ERC2: variants seen among roughly 807,000 people sequenced by gnomAD.
The protein encoded by ERC2 is ELKS/RAB6-interacting/CAST family member 2, also known as ERC protein 2.
A neutral mutation model predicts 114.8 loss-of-function variants in ERC2; 42 were observed. That is an observed-to-expected ratio of 0.37 (90% CI 0.29 to 0.47). ERC2 has a LOEUF of 0.47. Among genes scored for constraint, ERC2 ranks in the 20% least tolerant of loss-of-function variants. ERC2 has a pLI of 0.99. For synonymous variants in ERC2, 454 were observed against 425.5 expected (o/e 1.07, Z -0.82); for missense variants, 939 against 1,150.7 (o/e 0.82, Z 2.66).
intron 17 of ERC2, among the ~76,000 whole-genome samples, chr3:55,629,482 T>C (rs2059657637): frequency 6.6e-6 from 1 of 152,246 alleles, no homozygotes; most frequent in Non-Finnish European, 1.5e-5. Flanking sequence ...ATTACAGTAA[T>C]TCAAGGTTTC....
rs576623244 is a variant in ERC2 at position 56,311,001 on chromosome 3, G to T, written c.658-14566C>A. 2.5e-4 allele frequency among the ~76,000 whole-genome samples: 38 copies of T among 151,896 alleles called. No individual in the cohort carries two copies. The South Asian group carries it at 7.5e-3, about 30-fold the overall frequency. ...ATAGTCCTGAGAAACAGACTGAAAA[G>T]CCAGTGTGTGTGATTAATAAAGTCT... is the stretch of plus-strand genomic sequence containing the variant. On this transcript the variant is annotated intron_variant, in intron 2 of 17. Transcript: ENST00000288221.
intron 17 of ERC2, among the ~76,000 whole-genome samples, chr3:55,652,079 T>G (rs1162252080): frequency 6.6e-6 from 1 of 152,196 alleles, no homozygotes; most frequent in Non-Finnish European, 1.5e-5. Flanking sequence ...CCTGCGAACA[T>G]TTCTGGGCTC....
At chr3:56,162,676 A>C (rs961980478) in intron 4 of ERC2, among the ~76,000 whole-genome samples, 7 of 152,180 alleles carry the variant, frequency 4.6e-5, no homozygotes, top group Admixed American at 3.3e-4. Flanking sequence ...TTAAGTGTTC[A>C]TAATAGTCTC....
intron 1 of ERC2, among the ~76,000 whole-genome samples, chr3:56,454,721 T>C (rs1201329407): frequency 1.3e-5 from 2 of 151,994 alleles, no homozygotes; most frequent in African/African-American, 2.4e-5. Flanking sequence ...CATGTTGGCA[T>C]GCACCTGTAG....
chr3:56,301,604 C>CT (rs2055879515), intron 2 of ERC2, among the ~76,000 whole-genome samples: 1 of 152,064 alleles, frequency 6.6e-6, no homozygotes, highest in Non-Finnish European at 1.5e-5. Flanking sequence ...GGCACAGTGG[C>CT]ATATGCCTAT....
At chr3:56,313,999 G>T (rs979050867) in intron 2 of ERC2, among the ~76,000 whole-genome samples, 5 of 152,164 alleles carry the variant, frequency 3.3e-5, no homozygotes, top group African/African-American at 1.2e-4. Flanking sequence ...TAAAGATGTA[G>T]CCATGCCAGT....
At chr3:56,292,164 A>T (rs770573840) in intron 3 of ERC2, among the ~76,000 whole-genome samples, 2 of 152,040 alleles carry the variant, frequency 1.3e-5, no homozygotes, top group Non-Finnish European at 2.9e-5. Flanking sequence ...TGAGACTGTA[A>T]CTCTGTGGAA....
At chr3:55,586,837 A>C (rs955517698) in intron 17 of ERC2, among the ~76,000 whole-genome samples, 8 of 152,236 alleles carry the variant, frequency 5.3e-5, no homozygotes, top group Non-Finnish European at 1.2e-4. Context: ...TAAAACACTT[A>C]TGTAGCCACC....
At chr3:55,831,003 G>A (rs1462091807) in intron 14 of ERC2, among the ~76,000 whole-genome samples, 2 of 151,552 alleles carry the variant, frequency 1.3e-5, no homozygotes, top group Non-Finnish European at 2.9e-5. Context: ...AATTAAAATA[G>A]AATATTAAAA....
intron 2 of ERC2, among the ~76,000 whole-genome samples, chr3:56,424,701 G>T (rs2061502069): frequency 6.6e-6 from 1 of 152,164 alleles, no homozygotes; most frequent in South Asian, 2.1e-4. Flanking sequence ...CATCATCTAA[G>T]TCTGGACCAA....
intron 17 of ERC2, among the ~76,000 whole-genome samples, chr3:55,676,848 G>A (rs974857080): frequency 6.6e-6 from 1 of 152,156 alleles, no homozygotes; most frequent in African/African-American, 2.4e-5. Flanking sequence ...ACAACACTCT[G>A]CTAGACGCCT....
intron 2 of ERC2, among the ~76,000 whole-genome samples, chr3:56,428,819 C>G (rs988720792): frequency 6.6e-6 from 1 of 152,204 alleles, no homozygotes; most frequent in African/African-American, 2.4e-5. Flanking sequence ...ATTCCCCAGA[C>G]AGGTTTACTT....
At chr3:56,388,594 C>A (rs1323696991) in intron 2 of ERC2, among the ~76,000 whole-genome samples, 1 of 152,170 alleles carries the variant, frequency 6.6e-6, no homozygotes, top group Non-Finnish European at 1.5e-5. Flanking sequence ...ACAGACCTTG[C>A]CCTCATGAGG....
intron 6 of ERC2, among the ~76,000 whole-genome samples, chr3:56,081,995 TGA>T (rs1290526330): frequency 6.6e-6 from 1 of 152,204 alleles, no homozygotes; most frequent in African/African-American, 2.4e-5. Context: ...TGACAGACTA[TGA>T]GATTTCCAAG....
chr3:55,575,738 C>T (rs2056943692), intron 17 of ERC2, among the ~76,000 whole-genome samples: 1 of 152,104 alleles, frequency 6.6e-6, no homozygotes, highest in Non-Finnish European at 1.5e-5. Context: ...AGAGGAAGGA[C>T]CAAGGGCACC....
Position 55,810,248 on chromosome 3 carries a change from A to G in ERC2, c.2565-75330T>C, listed in dbSNP as rs538283940. 9.0e-4 allele frequency among the ~76,000 whole-genome samples: 137 copies of G among 152,332 alleles called. 2 individuals carry two copies. In the South Asian group the frequency reaches 0.028, roughly 31 times the overall value. On this transcript the variant is annotated intron_variant, in intron 14 of 17. Transcript: ENST00000288221. ...ATAAAGATAAGGAAAAATAAAAACA[A>G]CAAACTATAATGTCATCAACCCAAA...
chr3:56,082,426 T>A (rs1171870572), intron 6 of ERC2, among the ~76,000 whole-genome samples: 1 of 152,082 alleles, frequency 6.6e-6, no homozygotes, highest in African/African-American at 2.4e-5. Context: ...TCTGTAACTG[T>A]AAGACATAAA....
chr3:55,835,796 A>G (rs2060849845), intron 14 of ERC2, among the ~76,000 whole-genome samples: 2 of 152,082 alleles, frequency 1.3e-5, no homozygotes, highest in South Asian at 4.2e-4. Context: ...TCAATTAGGA[A>G]AAGAGGAAGT....
At chr3:56,418,915 A>G (rs2061278211) in intron 2 of ERC2, among the ~76,000 whole-genome samples, 1 of 152,210 alleles carries the variant, frequency 6.6e-6, no homozygotes, top group Non-Finnish European at 1.5e-5. Context: ...GAGAGAGGTC[A>G]CATCAATGGC....
Sources: allele counts gnomAD v4.1 joint callset (sites outside exome capture counted in the v4.1 genomes callset), GRCh38; gene constraint gnomAD v4.1.1; transcripts MANE v1.5; gene names NCBI Gene and HGNC (gene_info 2026-07-23, HGNC 2026-07-21).